VPS53: variants seen among roughly 807,000 people sequenced by gnomAD.
VPS53 encodes vacuolar protein sorting-associated protein 53 homolog.
In VPS53, 70 loss-of-function variants were observed where a neutral mutation model predicts 107.0. That is an observed-to-expected ratio of 0.65 (90% CI 0.54 to 0.80). VPS53 has a LOEUF of 0.80. Among genes scored for constraint, VPS53 ranks in the 30% least tolerant of loss-of-function variants. The pLI is 0.00. For missense variants in VPS53, 917 were observed against 1,049.4 expected, an observed-to-expected ratio of 0.87 and a Z score of 1.74; for synonymous variants, 409 against 393.3, an observed-to-expected ratio of 1.04 and a Z score of -0.47.
chr17:639,209 T>C (rs1970325108), intron 7 of VPS53, among the ~76,000 whole-genome samples: 1 of 152,204 alleles, frequency 6.6e-6, no homozygotes, highest in Non-Finnish European at 1.5e-5. Context: ...TTGATCGAAT[T>C]GGCTACTGAA....
intron 12 of VPS53, among the ~76,000 whole-genome samples, chr17:588,344 A>G (rs1236207556): frequency 6.6e-6 from 1 of 152,068 alleles, no homozygotes; most frequent in Non-Finnish European, 1.5e-5. Context: ...CAAACAAAAA[A>G]GAATACTTAA....
In VPS53 at chr17:513,033, C is replaced by T. The variant is rs1165400305; in HGVS notation, c.*6095G>A. 11 of 152,308 alleles carry T rather than the reference C, an allele frequency of 7.2e-5. No homozygotes were observed. Among genetic ancestry groups the T allele is most frequent in the Admixed American group, 5.9e-4 (9 of 15,268 alleles). 9.4% of individuals were successfully genotyped at this position (152,308 alleles called of 1,614,324 possible). On this transcript the variant is annotated 3_prime_UTR_variant, in exon 22 of 22. Transcript: ENST00000437048. ...CACTTTACACAACATTACAGACAGG[C>T]TCCACTGCAACTGGGCAGGTCAGGA...
chr17:617,425 A>G (rs1356644368), intron 11 of VPS53, among the ~76,000 whole-genome samples: 1 of 152,174 alleles, frequency 6.6e-6, no homozygotes, highest in East Asian at 1.9e-4. Context: ...TTTTTTTGAG[A>G]CAGTCTCACT....
intron 4 of VPS53, among the ~76,000 whole-genome samples, chr17:691,604 AACAG>A (rs1310978915): frequency 6.6e-6 from 1 of 152,216 alleles, no homozygotes; most frequent in African/African-American, 2.4e-5. Flanking sequence ...AAATTCCAGA[AACAG>A]ACAATTAGTA....
intron 17 of VPS53, chr17:551,612 TC>T (rs569292959): frequency 8.2e-6 from 2 of 244,630 alleles, no homozygotes; most frequent in Non-Finnish European, 1.6e-5. Context: ...TTTAGACTCA[TC>T]AAACACATTT....
rs10630363 is a variant in VPS53, at chr17:672,109, GACACACACACACACACAC to G, written c.286-10232_286-10215del. Among the ~76,000 whole-genome samples the G allele has an allele frequency of 5.6e-4, 61 of 108,890 alleles. No individual in the cohort carries two copies. The South Asian group carries it at 7.7e-3, about 14-fold the overall frequency. The allele number at this position is 108,890 out of a possible 152,430, so 71.4% of individuals were successfully genotyped here. A position where few individuals can be genotyped will look rare whatever the true frequency, so the allele number is the denominator to read the frequency against. ...GACTACAGGTAGAGATGATGAGGGT[GACACACACACACACACAC>G]ACACACACACACACACACACACACA... is the stretch of plus-strand genomic sequence containing the variant. On this transcript the variant is annotated intron_variant, in intron 4 of 21. Transcript: ENST00000437048.
At chr17:532,561 G>T in intron 19 of VPS53, 2 of 624,332 alleles carry the variant, frequency 3.2e-6, no homozygotes, top group Non-Finnish European at 4.5e-6. Flanking sequence ...GCCCGGCCCA[G>T]CCACTTCTTC....
intron 13 of VPS53, among the ~76,000 whole-genome samples, chr17:584,366 G>A (rs896201504): frequency 2.6e-5 from 4 of 152,100 alleles, no homozygotes; most frequent in Non-Finnish European, 4.4e-5. Context: ...CGCACACAAC[G>A]GACACTGGAG....
At position 517,058 on chromosome 17, in the gene VPS53, G is replaced by T; in HGVS notation, c.*2070C>A. The T allele has an allele frequency of 5.7e-6, 1 of 174,608 alleles. No homozygotes were observed. Among genetic ancestry groups the T allele is most frequent in the Non-Finnish European group, 1.2e-5 (1 of 83,434 alleles). The allele number at this position is 174,608 out of a possible 1,614,324, so 10.8% of individuals were successfully genotyped here. ...TGAACTGGCTGTGCTATTTGGAGAT[G>T]GGCCCCACCGCCCCTTTTCAACTGT... On this transcript the variant is annotated 3_prime_UTR_variant, in exon 22 of 22. Coordinates refer to ENST00000437048, the MANE Select transcript of VPS53 (RefSeq NM_001128159.3).
At chr17:532,818 T>C in intron 19 of VPS53, 24 bp downstream of exon 19, 2 of 1,612,680 alleles carry the variant, frequency 1.2e-6, no homozygotes, top group Non-Finnish European at 1.7e-6. Flanking sequence ...GCCAGGCAAA[T>C]GCCTGATACT....
intron 11 of VPS53, among the ~76,000 whole-genome samples, chr17:611,478 A>G (rs1597379285): frequency 6.6e-6 from 1 of 152,224 alleles, no homozygotes; most frequent in South Asian, 2.1e-4. Context: ...ACCCTCCTAC[A>G]TTGTGGGTAG....
At position 586,353 on chromosome 17, in the gene VPS53, AG is replaced by A; in HGVS notation, c.1229del (p.Pro410LeufsTer34). 6.2e-7 allele frequency: 1 copy of A among 1,614,138 alleles called. No individual in the cohort carries two copies. On this transcript the variant is annotated frameshift_variant, in exon 13 of 22. Transcript: ENST00000437048. LOFTEE classifies it high-confidence loss of function. ...CATGAAATGGATTGTCTGGGGCTTT[AG>A]GCTTCTTTGGCTGTAAAAACAAAGA... The part of the protein sequence containing the change: ...EKGDLDQPKK[P>X]KAPDNPFHGI...
chr17:548,781 T>C (rs555581887), intron 17 of VPS53, among the ~76,000 whole-genome samples: 4 of 152,238 alleles, frequency 2.6e-5, no homozygotes, highest in Admixed American at 6.5e-5. Flanking sequence ...TTGAATGAGA[T>C]TGGCAGTTTG....
chr17:697,287 G>T, intron 4 of VPS53, 131 bp downstream of exon 4: 1 of 806,646 alleles, frequency 1.2e-6, no homozygotes, highest in Non-Finnish European at 2.1e-6. Context: ...CGCCTGCCCT[G>T]TCTTGTCCTG....
At position 545,815 on chromosome 17, in the gene VPS53, G is replaced by C. The variant is rs147135272; in HGVS notation, c.1866+6057C>G. Among the ~76,000 whole-genome samples, 448 of 152,316 alleles carry C rather than the reference G, an allele frequency of 2.9e-3. 4 individuals are homozygous for C. Among genetic ancestry groups the C allele is most frequent in the African/African-American group, 5.7e-3 (235 of 41,570 alleles). ...CATAACAAAGCAGAAAGGTAGTCTA[G>C]GTACTATGGTGTCTTGAAAGAGAAA... is the stretch of plus-strand genomic sequence containing the variant. On this transcript the variant is annotated intron_variant, in intron 17 of 21. Coordinates refer to ENST00000437048, the MANE Select transcript of VPS53 (RefSeq NM_001128159.3).
chr17:582,700 ACCTAATGCGTTCCGAGATAACCTC>A (rs1967100057), intron 13 of VPS53, among the ~76,000 whole-genome samples: 1 of 149,668 alleles, frequency 6.7e-6, no homozygotes, highest in Non-Finnish European at 1.5e-5. Context: ...CTCCCTCAGA[ACCTAATGCGTTCCGAGATAACCTC>A]CCTCAGAATC....
chr17:548,370 A>ATAGT (rs1567614882), intron 17 of VPS53, among the ~76,000 whole-genome samples: 4 of 150,674 alleles, frequency 2.7e-5, no homozygotes, highest in African/African-American at 7.4e-5. Context: ...TGGCCAGCCA[A>ATAGT]CAGTCCTTCT....
chr17:677,962 A>T (rs1249311017), intron 4 of VPS53, among the ~76,000 whole-genome samples: 2 of 151,772 alleles, frequency 1.3e-5, no homozygotes. Context: ...CACGAGAAAT[A>T]CAAAAAAAAT....
In VPS53 at chr17:631,609, C is replaced by A. The variant is rs1969964082; in HGVS notation, c.628G>T (p.Glu210Ter). The A allele has an allele frequency of 1.9e-6, 3 of 1,614,014 alleles. No homozygotes were observed. Among genetic ancestry groups the A allele is most frequent in the Non-Finnish European group, 2.5e-6 (3 of 1,179,966 alleles). The change falls in exon 8 of 22, where the codon GAG becomes TAG. Residue 210 changes from glutamate (E) to a stop codon, truncating the protein, a stop_gained. Coordinates refer to ENST00000437048, the MANE Select transcript of VPS53 (RefSeq NM_001128159.3). LOFTEE classifies it high-confidence loss of function. ...TCTGCCAGGATTTGCTGTCCTAACT[C>A]AGTCTGTGCAGCCTTCACTCTGTGA... ...LSERVKAAQT[E>*]LGQQILADFE... is the part of the protein sequence containing the mutation.
Sources: gnomAD v4.1 joint callset for allele counts (sites outside exome capture counted in the v4.1 genomes callset) on GRCh38, gnomAD v4.1.1 for gene constraint, MANE v1.5 for transcripts, NCBI Gene and HGNC (gene_info 2026-07-23, HGNC 2026-07-21) for gene names.